Variants in COX10 observed in about 807,000 individuals in gnomAD.
The protein encoded by COX10 is cytochrome c oxidase assembly factor heme A:farnesyltransferase COX10.
COX10 carries 27 observed loss-of-function variants against 37.3 expected under a neutral mutation model. The ratio of observed to expected loss-of-function variants is 0.72; its 90% CI spans 0.53 to 1.00. The LOEUF is 1.00. Among genes scored for constraint, COX10 ranks in the 50% least tolerant of loss-of-function variants. The pLI is 0.00. For missense variants in COX10, 475 were observed against 563.2 expected (o/e 0.84, Z 1.59); for synonymous variants, 222 against 229.1 (o/e 0.97, Z 0.28).
intron 3 of COX10, among the ~76,000 whole-genome samples, chr17:14,096,316 C>G (rs1434952115): frequency 6.6e-6 from 1 of 151,580 alleles, no homozygotes; most frequent in Non-Finnish European, 1.5e-5. Flanking sequence ...GACCATAGCC[C>G]AGGGCATATC....
chr17:14,178,548 C>T (rs376802298), intron 5 of COX10, among the ~76,000 whole-genome samples: 3 of 145,802 alleles, frequency 2.1e-5, no homozygotes, highest in Non-Finnish European at 4.6e-5. Context: ...CTATTAAATT[C>T]GCTGCTCCAT....
chr17:14,188,341 A>G (rs555437340), intron 5 of COX10, among the ~76,000 whole-genome samples: 2 of 151,820 alleles, frequency 1.3e-5, no homozygotes, highest in South Asian at 4.2e-4. Context: ...GTAACAACAC[A>G]GAGGTATCTT....
intron 4 of COX10, among the ~76,000 whole-genome samples, chr17:14,139,986 A>C (rs1166741040): frequency 1.3e-5 from 2 of 152,174 alleles, no homozygotes; most frequent in Admixed American, 1.3e-4. Flanking sequence ...TTGTAAGTCT[A>C]TTTGAATTGC....
chr17:14,128,766 A>G (rs1032138016), intron 4 of COX10, among the ~76,000 whole-genome samples: 3 of 152,246 alleles, frequency 2.0e-5, no homozygotes, highest in Non-Finnish European at 4.4e-5. Flanking sequence ...CAGCAGGACT[A>G]TAGAACCTAA....
At chr17:14,110,350 A>G (rs978790684) in intron 4 of COX10, among the ~76,000 whole-genome samples, 4 of 152,142 alleles carry the variant, frequency 2.6e-5, no homozygotes, top group Non-Finnish European at 4.4e-5. Context: ...ATTTTCTGCT[A>G]TTCGGTAAGC....
chr17:14,100,983 C>A (rs1004681335), intron 3 of COX10, among the ~76,000 whole-genome samples: 1 of 152,186 alleles, frequency 6.6e-6, no homozygotes, highest in African/African-American at 2.4e-5. Flanking sequence ...CAAGTAGCAC[C>A]CTCCCCTGCA....
intron 3 of COX10, among the ~76,000 whole-genome samples, chr17:14,082,069 A>T (rs1051760513): frequency 6.6e-6 from 1 of 152,200 alleles, no homozygotes; most frequent in Non-Finnish European, 1.5e-5. Context: ...GGTCTTCAGC[A>T]TGGAGCTGGC....
chr17:14,170,665 A>T (rs936011565), intron 5 of COX10, among the ~76,000 whole-genome samples: 10 of 152,262 alleles, frequency 6.6e-5, no homozygotes, highest in African/African-American at 1.7e-4. Flanking sequence ...AAAAAATTTT[A>T]AAATTAGCCG....
intron 4 of COX10, among the ~76,000 whole-genome samples, chr17:14,105,119 G>C (rs902068971): frequency 1.3e-5 from 2 of 152,220 alleles, no homozygotes; most frequent in South Asian, 2.1e-4. Context: ...TTGAGGATTT[G>C]ACATAATAGT....
chr17:14,102,139 C>G lies in COX10; in HGVS notation c.521C>G (p.Ala174Gly). ...KLTALVVSTT[A>G]AGFALAPGPF... is the part of the protein sequence containing the mutation. ...GCAGCTCTGGTTGTAAGTACCACTG[C>G]AGCTGGATTTGCATTGGCTCCGGGC... Residue 174 changes from alanine to glycine, a missense_variant, in exon 4 of 7, where the codon GCA becomes GGA. Ala to Gly is a moderately conservative substitution (Grantham distance 60). This residue lies in a region of COX10 where 242 missense variants were observed against 242.5 expected (regional missense o/e 1.00). Transcript: ENST00000261643. 1 of 1,613,724 alleles carries G rather than the reference C, an allele frequency of 6.2e-7. No homozygotes were observed. Among genetic ancestry groups the G allele is most frequent in the Non-Finnish European group, 8.5e-7 (1 of 1,179,750 alleles).
intron 3 of COX10, 55 bp downstream of exon 3, chr17:14,077,111 A>C (rs1027409781): frequency 2.6e-6 from 4 of 1,559,062 alleles, no homozygotes; most frequent in Admixed American, 1.7e-5. Flanking sequence ...TTAGTGAAAC[A>C]AAAAGCTAAT....
chr17:14,102,849 A>T (rs776416348), intron 4 of COX10, among the ~76,000 whole-genome samples: 1 of 151,890 alleles, frequency 6.6e-6, no homozygotes, highest in Non-Finnish European at 1.5e-5. Flanking sequence ...TGGCTTTTTC[A>T]TAAGATATTA....
At chr17:14,080,290 C>A (rs1214003356) in intron 3 of COX10, among the ~76,000 whole-genome samples, 1 of 134,156 alleles carries the variant, frequency 7.5e-6, no homozygotes, top group Non-Finnish European at 1.5e-5. Context: ...GTGGCGAGAT[C>A]TCAGCTCACT....
chr17:14,207,351 GTT>G lies in COX10; in HGVS notation c.*151_*152del, dbSNP rs200239586. ...TTCGGTGCTCAGTGATCACTTGACA[GTT>G]TTTTTTTTTTTTAAATATTACCCAA... On this transcript the variant is annotated 3_prime_UTR_variant, in exon 7 of 7. Transcript: ENST00000261643. 131,107 of 887,334 alleles carry G rather than the reference GTT, an allele frequency of 0.15. 4,948 individuals carry two copies. The highest frequency in any genetic ancestry group is 0.32 in the East Asian group (10,557 of 32,964). 55.0% of individuals were successfully genotyped at this position (887,334 alleles called of 1,614,324 possible).
chr17:14,180,273 T>A (rs531002861), intron 5 of COX10, among the ~76,000 whole-genome samples: 1 of 152,174 alleles, frequency 6.6e-6, no homozygotes, highest in Non-Finnish European at 1.5e-5. Context: ...TTTATAAGTA[T>A]AGAAATTTCT....
At chr17:14,199,759 T>G (rs1199499263) in intron 6 of COX10, among the ~76,000 whole-genome samples, 1 of 152,216 alleles carries the variant, frequency 6.6e-6, no homozygotes, top group African/African-American at 2.4e-5. Flanking sequence ...TCCCTTTATC[T>G]GCAGCACCAT....
chr17:14,123,769 A>G (rs1036357100), intron 4 of COX10, among the ~76,000 whole-genome samples: 2 of 152,198 alleles, frequency 1.3e-5, no homozygotes, highest in African/African-American at 2.4e-5. Flanking sequence ...CTGTGGATGG[A>G]GAAGCAGTCT....
chr17:14,079,441 G>A lies in COX10; in HGVS notation c.499+2385G>A, dbSNP rs149618494. Among the ~76,000 whole-genome samples the A allele has an allele frequency of 1.7e-3, 257 of 152,188 alleles. 2 individuals are homozygous for A. In the Middle Eastern group the frequency reaches 0.034, roughly 20 times the overall value. ...CTGGCACATTCAAAAAGCTGCACTG[G>A]GACTATGAGTAGCAATAGTATGACC... On this transcript the variant is annotated intron_variant, in intron 3 of 6. Transcript: ENST00000261643.
At chr17:14,137,540 A>G (rs1467221853) in intron 4 of COX10, among the ~76,000 whole-genome samples, 2 of 152,036 alleles carry the variant, frequency 1.3e-5, no homozygotes, top group South Asian at 2.1e-4. Context: ...AAATACTTAC[A>G]TCTCTTTTTA....
Sources: gnomAD v4.1 joint callset for allele counts (sites outside exome capture counted in the v4.1 genomes callset) on GRCh38, gnomAD v4.1.1 for gene constraint, gnomAD v4.1.1 regional missense constraint, MANE v1.5 for transcripts, NCBI Gene and HGNC (gene_info 2026-07-23, HGNC 2026-07-21) for gene names.